Variants in STAT4 observed in about 807,000 individuals in gnomAD.
The protein encoded by STAT4 is signal transducer and activator of transcription 4.
STAT4 carries 42 observed loss-of-function variants against 110.5 expected under a neutral mutation model. The ratio of observed to expected loss-of-function variants is 0.38; its 90% CI spans 0.30 to 0.49. The LOEUF (loss-of-function observed/expected upper bound fraction) is 0.49. Among genes scored for constraint, STAT4 ranks in the 20% least tolerant of loss-of-function variants. The pLI, the probability that STAT4 is intolerant of heterozygous loss-of-function variation, is 0.95. For missense variants in STAT4, 632 were observed against 887.9 expected, an observed-to-expected ratio of 0.71 and a Z score of 3.66; for synonymous variants, 284 against 302.2, an observed-to-expected ratio of 0.94 and a Z score of 0.63.
chr2:191,039,836 T>C lies in STAT4; in HGVS notation c.1336-539A>G, dbSNP rs1344769423. 6.6e-6 allele frequency among the ~76,000 whole-genome samples: 1 copy of C among 152,218 alleles called. No homozygotes were observed. The highest frequency in any genetic ancestry group is 1.5e-5 in the Non-Finnish European group (1 of 68,040). The stretch of plus-strand genomic sequence containing the variant: ...ACAGAACTAACTCAATTTAATACTC[T>C]TGGTTCTGTGGTTTTCTACTTTATG... On this transcript the variant is annotated intron_variant, in intron 15 of 23. Transcript: ENST00000392320. This position sits in a 1 kb window ranked among gnomAD's most constrained non-coding sequence, Gnocchi z 4.7.
rs1265242226 is a variant in STAT4, at chr2:191,150,119, T to TGA, written c.-2+827_-2+828insTC. On this transcript the variant is annotated intron_variant, in intron 1 of 23. Coordinates refer to ENST00000392320, the MANE Select transcript of STAT4 (RefSeq NM_003151.4). This position sits in a 1 kb window ranked among gnomAD's most constrained non-coding sequence, Gnocchi z 6.4. ...TGTATATTCCATAAATATTTACAAT[T>TGA]GTGTGTCAAATGAAAATAAAAGGAA... Among the ~76,000 whole-genome samples, 2 of 152,040 alleles carry TGA rather than the reference T, an allele frequency of 1.3e-5. No homozygotes were observed. Among genetic ancestry groups the TGA allele is most frequent in the Non-Finnish European group, 2.9e-5 (2 of 68,014 alleles).
Position 191,039,651 on chromosome 2 carries a change from G to A in STAT4, c.1336-354C>T, listed in dbSNP as rs1354684706. Among the ~76,000 whole-genome samples the A allele has an allele frequency of 1.3e-5, 2 of 152,192 alleles. No homozygotes were observed. The highest frequency in any genetic ancestry group is 2.4e-5 in the African/African-American group (1 of 41,440). ...GAATTAGCAACAATCTTCTCTATAAGTTAAATAAAAGAATCTATTTTAAGT... is the reference window on the plus strand; with the variant it reads ...GAATTAGCAACAATCTTCTCTATAAATTAAATAAAAGAATCTATTTTAAGT... On this transcript the variant is annotated intron_variant, in intron 15 of 23. Transcript: ENST00000392320. This position sits in a 1 kb window ranked among gnomAD's most constrained non-coding sequence, Gnocchi z 4.7.
chr2:191,128,970 G>C (rs1182792744), intron 3 of STAT4, among the ~76,000 whole-genome samples: 1 of 152,112 alleles, frequency 6.6e-6, no homozygotes, highest in Non-Finnish European at 1.5e-5. Context: ...ACTTTTTACA[G>C]TACCTCCTAA....
At chr2:191,121,598 A>T (rs1222472943) in intron 3 of STAT4, among the ~76,000 whole-genome samples, 1 of 152,186 alleles carries the variant, frequency 6.6e-6, no homozygotes, top group Non-Finnish European at 1.5e-5. Context: ...AGCCATAAAA[A>T]GGATGAGTTC....
chr2:191,095,039 A>C (rs895061539), intron 3 of STAT4, among the ~76,000 whole-genome samples: 1 of 152,200 alleles, frequency 6.6e-6, no homozygotes. Context: ...GGATCAATTC[A>C]ACAAGAAGAG....
Position 191,042,444 on chromosome 2 carries a change from G to A in STAT4, c.1252-1296C>T, listed in dbSNP as rs1421267359. 6.6e-6 allele frequency among the ~76,000 whole-genome samples: 1 copy of A among 152,202 alleles called. No homozygotes were observed. Among genetic ancestry groups the A allele is most frequent in the Non-Finnish European group, 1.5e-5 (1 of 68,038 alleles). ...GCAGATCAACCGTTTGTAATGGGAA[G>A]ATAGTGCTTAGATACTGATTTGAAC... On this transcript the variant is annotated intron_variant, in intron 14 of 23. Coordinates refer to ENST00000392320, the MANE Select transcript of STAT4 (RefSeq NM_003151.4). This position sits in a 1 kb window ranked among gnomAD's most constrained non-coding sequence, Gnocchi z 4.2.
chr2:191,143,802 T>TC lies in STAT4; in HGVS notation c.273+2810dup, dbSNP rs397938926. The stretch of plus-strand genomic sequence containing the variant: ...GCCTTTTGATAGGGAATTTTTTTTT[T>TC]CTTTTTTGTGGGGAAGAGAGGATCT... On this transcript the variant is annotated intron_variant, in intron 3 of 23. Coordinates refer to ENST00000392320, the MANE Select transcript of STAT4 (RefSeq NM_003151.4). This position sits in a 1 kb window ranked among gnomAD's most constrained non-coding sequence, Gnocchi z 5.6. Among the ~76,000 whole-genome samples the TC allele has an allele frequency of 1.3e-5, 2 of 151,998 alleles. No individual in the cohort carries two copies. The highest frequency in any genetic ancestry group is 4.8e-5 in the African/African-American group (2 of 41,334).
intron 3 of STAT4, among the ~76,000 whole-genome samples, chr2:191,108,641 T>C (rs538508686): frequency 2.6e-5 from 4 of 152,296 alleles, no homozygotes; most frequent in South Asian, 2.1e-4. Flanking sequence ...TGGATTTTTC[T>C]TACTTAGAAA....
rs757012700 is a variant in STAT4 at position 191,131,926 on chromosome 2, T to C, written c.273+14687A>G. 89 of 1,354,218 alleles carry C rather than the reference T, an allele frequency of 6.6e-5. No individual in the cohort carries two copies. The African/African-American group carries it at 1.2e-3, about 19-fold the overall frequency. 83.9% of individuals were successfully genotyped at this position (1,354,218 alleles called of 1,614,324 possible). On this transcript the variant is annotated intron_variant, in intron 3 of 23. Transcript: ENST00000392320. ...CTAAAGCAAATTAGAGGTCTGTTTA[T>C]TCTCTACACTTGTGGAGGTGTGTGT... is the stretch of plus-strand genomic sequence containing the variant.
In STAT4 at chr2:191,066,288, G is replaced by C. The variant is rs1487494005; in HGVS notation, c.630+142C>G. 2 of 709,830 alleles carry C rather than the reference G, an allele frequency of 2.8e-6. No individual in the cohort carries two copies. The highest frequency in any genetic ancestry group is 3.6e-5 in the African/African-American group (2 of 56,286). The allele number at this position is 709,830 out of a possible 1,614,324, so 44.0% of individuals were successfully genotyped here. ...GAAGAGAAGCATGGCAAACAGCGTG[G>C]GACTGTTCCTAGAAACCTTGCCGTT... is the stretch of plus-strand genomic sequence containing the variant. On this transcript the variant is annotated intron_variant, in intron 7 of 23. Transcript: ENST00000392320. This position sits in a 1 kb window ranked among gnomAD's most constrained non-coding sequence, Gnocchi z 4.3.
At chr2:191,040,999 T>G (rs942237018) in intron 15 of STAT4, 66 bp downstream of exon 15, 16 of 1,066,608 alleles carry the variant, frequency 1.5e-5, no homozygotes, top group Non-Finnish European at 1.9e-5. Flanking sequence ...TGAGCTTACA[T>G]CTATTAATGC....
At chr2:191,087,477 C>T (rs1697665124) in intron 3 of STAT4, among the ~76,000 whole-genome samples, 1 of 152,158 alleles carries the variant, frequency 6.6e-6, no homozygotes, top group Admixed American at 6.5e-5. Context: ...TGTAGAGAAT[C>T]TCCATTAATG....
chr2:191,069,779 CA>C lies in STAT4; in HGVS notation c.466-9del, dbSNP rs1166833843. The C allele has an allele frequency of 6.3e-7, 1 of 1,595,010 alleles. No individual in the cohort carries two copies. Among genetic ancestry groups the C allele is most frequent in the East Asian group, 2.2e-5 (1 of 44,566 alleles). On this transcript the variant is annotated splice_polypyrimidine_tract_variant and intron_variant, in intron 5 of 23. Coordinates refer to ENST00000392320, the MANE Select transcript of STAT4 (RefSeq NM_003151.4). ...GGTATCTTGTTCTGTCATCTTTTCA[CA>C]AAAGAAAACATACTCACTCTGCTGT...
intron 3 of STAT4, among the ~76,000 whole-genome samples, chr2:191,137,617 A>G (rs891872632): frequency 3.9e-5 from 6 of 152,242 alleles, no homozygotes; most frequent in Admixed American, 3.3e-4. Flanking sequence ...ACTTCAAAGT[A>G]TATTATAAGA....
chr2:191,146,727 T>C lies in STAT4; in HGVS notation c.159A>G (p.Ala53=). The change falls in exon 3 of 24, where the codon GCA becomes GCG. Residue 53 remains alanine (A), a synonymous_variant. Transcript: ENST00000392320. This position sits in a 1 kb window ranked among gnomAD's most constrained non-coding sequence, Gnocchi z 4.5. ...WEAASNNETM[A]TILLQNLLIQ... Reference sequence around the variant, plus strand: ...TTAACAAGTTTTGAAGAAGAATCGTTGCCATGGTTTCATTGTTAGAAGCTG... The same window carrying C: ...TTAACAAGTTTTGAAGAAGAATCGTCGCCATGGTTTCATTGTTAGAAGCTG... 1 of 1,575,880 alleles carries C rather than the reference T, an allele frequency of 6.3e-7. No individual in the cohort carries two copies. Among genetic ancestry groups the C allele is most frequent in the Non-Finnish European group, 8.6e-7 (1 of 1,163,806 alleles).
In STAT4 at chr2:191,042,252, A is replaced by G. The variant is rs913843805; in HGVS notation, c.1252-1104T>C. 6.6e-6 allele frequency among the ~76,000 whole-genome samples: 1 copy of G among 152,202 alleles called. No homozygotes were observed. Among genetic ancestry groups the G allele is most frequent in the Admixed American group, 6.5e-5 (1 of 15,284 alleles). ...TATTAACAGCAAGCTAATGATCATC[A>G]GGCATTTGACAAAGACTTTCACATG... On this transcript the variant is annotated intron_variant, in intron 14 of 23. Coordinates refer to ENST00000392320, the MANE Select transcript of STAT4 (RefSeq NM_003151.4). The surrounding 1 kb of genome is among the most constrained non-coding windows in gnomAD (Gnocchi z 4.2).
At chr2:191,084,088 C>G (rs984851630) in intron 3 of STAT4, among the ~76,000 whole-genome samples, 1 of 151,808 alleles carries the variant, frequency 6.6e-6, no homozygotes, top group Non-Finnish European at 1.5e-5. Context: ...AAGGTGAAAC[C>G]CCGTCTGTAC....
chr2:191,031,779 T>C lies in STAT4; in HGVS notation c.2045-263A>G, dbSNP rs969834501. 5.3e-5 allele frequency among the ~76,000 whole-genome samples: 8 copies of C among 152,182 alleles called. No individual in the cohort carries two copies. The highest frequency in any genetic ancestry group is 7.3e-5 in the Non-Finnish European group (5 of 68,034). On this transcript the variant is annotated intron_variant, in intron 21 of 23. Transcript: ENST00000392320. This position sits in a 1 kb window ranked among gnomAD's most constrained non-coding sequence, Gnocchi z 4.8. The stretch of plus-strand genomic sequence containing the variant: ...ATGCCTCTAAACTGTGTGGGAAAAA[T>C]TGAGAATCAACTCTATTACCTGTTT...
chr2:191,036,383 C>T (rs952012067), intron 16 of STAT4, 84 bp from the exon 17 acceptor site: 485 of 1,394,752 alleles, frequency 3.5e-4, no homozygotes, highest in Non-Finnish European at 4.1e-4. Flanking sequence ...AGAGGTCTCC[C>T]CCTCTCCCCA....
Sources: allele counts gnomAD v4.1 joint callset (sites outside exome capture counted in the v4.1 genomes callset), GRCh38; gene constraint gnomAD v4.1.1; non-coding constraint Gnocchi (gnomAD v3.1); transcripts MANE v1.5; gene names NCBI Gene and HGNC (gene_info 2026-07-23, HGNC 2026-07-21).